Variants in DLG2 observed in about 807,000 individuals in gnomAD.
DLG2 encodes disks large homolog 2.
DLG2 carries 45 observed loss-of-function variants against 132.5 expected under a neutral mutation model. The ratio of observed to expected loss-of-function variants is 0.34; its 90% confidence interval spans 0.27 to 0.44. The LOEUF (loss-of-function observed/expected upper bound fraction) is 0.44. DLG2 is among the 20% of genes least tolerant of loss of function. DLG2 has a pLI of 1.00. For synonymous variants in DLG2, 424 were observed against 419.6 expected, an observed-to-expected ratio of 1.01 and a Z score of -0.13; for missense variants, 1,045 against 1,196.9, an observed-to-expected ratio of 0.87 and a Z score of 1.87.
At chr11:85,118,131 TA>T in intron 5 of DLG2, among the ~76,000 whole-genome samples, 1 of 152,238 alleles carries the variant, frequency 6.6e-6, no homozygotes, top group East Asian at 1.9e-4. Context: ...TGCTTCTTTT[TA>T]TTTTCTCAGG....
chr11:85,025,025 G>A (rs1020811461), intron 6 of DLG2, among the ~76,000 whole-genome samples: 9 of 152,082 alleles, frequency 5.9e-5, no homozygotes, highest in South Asian at 2.1e-4. Flanking sequence ...CCATATTTAC[G>A]TCTGTGCAAT....
intron 4 of DLG2, among the ~76,000 whole-genome samples, chr11:85,203,716 A>G (rs1430339533): frequency 6.6e-6 from 1 of 152,080 alleles, no homozygotes; most frequent in Non-Finnish European, 1.5e-5. Context: ...TAGTAACAGA[A>G]CTAGACAAGG....
chr11:84,648,775 G>A (rs2099677986), intron 6 of DLG2, among the ~76,000 whole-genome samples: 1 of 135,872 alleles, frequency 7.4e-6, no homozygotes, highest in African/African-American at 3.0e-5. Context: ...ATACATGTGT[G>A]TGTATATATA....
intron 10 of DLG2, among the ~76,000 whole-genome samples, chr11:84,070,086 AC>A (rs2096734176): frequency 6.6e-6 from 1 of 152,142 alleles, no homozygotes; most frequent in South Asian, 2.1e-4. Flanking sequence ...TCCTAAGGCA[AC>A]CCTTTTATCA....
chr11:85,180,606 T>C (rs2079624086), intron 4 of DLG2, among the ~76,000 whole-genome samples: 1 of 151,906 alleles, frequency 6.6e-6, no homozygotes, highest in South Asian at 2.1e-4. Flanking sequence ...CCAACCTCAA[T>C]TGTGGCTTCA....
At chr11:84,012,858 T>G (rs2094961384) in intron 11 of DLG2, among the ~76,000 whole-genome samples, 1 of 152,120 alleles carries the variant, frequency 6.6e-6, no homozygotes, top group African/African-American at 2.4e-5. Flanking sequence ...ATGCATATGG[T>G]CATCTAGCCT....
chr11:84,991,523 A>AAAAAAAAAAAAG (rs1555331856), intron 6 of DLG2, among the ~76,000 whole-genome samples: 15 of 116,322 alleles, frequency 1.3e-4, no homozygotes, highest in East Asian at 5.3e-4. Context: ...AAAAAAAAAA[A>AAAAAAAAAAAAG]AAAGAAAGAA....
chr11:84,635,900 C>A (rs984626430), intron 6 of DLG2, among the ~76,000 whole-genome samples: 1 of 152,092 alleles, frequency 6.6e-6, no homozygotes, highest in Non-Finnish European at 1.5e-5. Flanking sequence ...ATTCTTCACA[C>A]AAAAATGTGT....
chr11:84,389,884 G>C (rs1005408597), intron 7 of DLG2, among the ~76,000 whole-genome samples: 2 of 151,964 alleles, frequency 1.3e-5, no homozygotes, highest in African/African-American at 4.8e-5. Context: ...AAATTCATGA[G>C]GTAACAATAT....
At chr11:85,489,878 G>A (rs2093517484) in intron 3 of DLG2, among the ~76,000 whole-genome samples, 1 of 45,548 alleles carries the variant, frequency 2.2e-5, no homozygotes, top group African/African-American at 4.9e-5. Flanking sequence ...TCTTTGAAAG[G>A]ACATGCAAAA....
At chr11:85,147,345 G>C (rs931911580) in intron 5 of DLG2, among the ~76,000 whole-genome samples, 16 of 152,172 alleles carry the variant, frequency 1.1e-4, no homozygotes, top group African/African-American at 3.9e-4. Flanking sequence ...TAATGAGCGT[G>C]AAGTGGTTTC....
chr11:85,542,801 C>G (rs2076057482), intron 3 of DLG2, among the ~76,000 whole-genome samples: 1 of 152,084 alleles, frequency 6.6e-6, no homozygotes, highest in South Asian at 2.1e-4. Flanking sequence ...AAAAGTCAGT[C>G]CTAGCCCAAG....
intron 6 of DLG2, among the ~76,000 whole-genome samples, chr11:84,988,092 G>A (rs1191563988): frequency 6.6e-6 from 1 of 151,626 alleles, no homozygotes; most frequent in Non-Finnish European, 1.5e-5. Context: ...AACATGAATA[G>A]ACAATTCTCA....
chr11:84,426,364 A>C (rs2098966623), intron 7 of DLG2, among the ~76,000 whole-genome samples: 1 of 152,136 alleles, frequency 6.6e-6, no homozygotes, highest in Non-Finnish European at 1.5e-5. Context: ...AAGGCATGAG[A>C]AGTTACTGTA....
intron 6 of DLG2, among the ~76,000 whole-genome samples, chr11:84,678,963 A>T (rs185040645): frequency 3.9e-5 from 6 of 152,192 alleles, no homozygotes; most frequent in East Asian, 1.9e-4. Flanking sequence ...GATTCTACAT[A>T]AAAAAGTTCC....
At chr11:83,956,054 C>T (rs2086743965) in intron 14 of DLG2, among the ~76,000 whole-genome samples, 1 of 152,126 alleles carries the variant, frequency 6.6e-6, no homozygotes, top group Non-Finnish European at 1.5e-5. Context: ...ATGCATCCAT[C>T]CTATTATTTC....
intron 14 of DLG2, among the ~76,000 whole-genome samples, chr11:83,939,031 GACTC>G (rs1367681224): frequency 6.6e-6 from 1 of 152,192 alleles, no homozygotes; most frequent in African/African-American, 2.4e-5. Flanking sequence ...GCTGGCATTA[GACTC>G]ACAATGGATC....
At chr11:84,264,036 T>C (rs957652588) in intron 7 of DLG2, among the ~76,000 whole-genome samples, 1 of 152,118 alleles carries the variant, frequency 6.6e-6, no homozygotes, top group African/African-American at 2.4e-5. Context: ...CCTCAACCCA[T>C]TTTTCTTCAA....
intron 7 of DLG2, among the ~76,000 whole-genome samples, chr11:84,440,635 A>G (rs958456578): frequency 3.3e-5 from 5 of 152,186 alleles, no homozygotes; most frequent in African/African-American, 1.2e-4. Context: ...GACATTTTCC[A>G]TCTGTATATA....
Sources: gnomAD v4.1 joint callset for allele counts (sites outside exome capture counted in the v4.1 genomes callset) on GRCh38, gnomAD v4.1.1 for gene constraint, MANE v1.5 for transcripts, NCBI Gene and HGNC (gene_info 2026-07-23, HGNC 2026-07-21) for gene names.